Variants in UGT2A3 observed in about 807,000 individuals in gnomAD.
UGT2A3 encodes the protein UDP-glucuronosyltransferase 2A3.
UGT2A3 carries 55 observed loss-of-function variants against 44.1 expected under a neutral mutation model. That is an observed-to-expected ratio of 1.25 (90% CI 1.00 to 1.56). The LOEUF (loss-of-function observed/expected upper bound fraction) is 1.56, where lower values mean the gene tolerates loss of function less well. UGT2A3 is among the 40% of genes most tolerant of loss of function. The probability of loss-of-function intolerance (pLI) is 0.00; values close to 1 mark genes in which losing one functional copy is unlikely to be tolerated. For synonymous variants in UGT2A3, 243 were observed against 215.1 expected, an observed-to-expected ratio of 1.13 and a Z score of -1.13; for missense variants, 733 against 621.6, an observed-to-expected ratio of 1.18 and a Z score of -1.91.
intron 2 of UGT2A3, among the ~76,000 whole-genome samples, chr4:68,939,934 G>T (rs572891790): frequency 6.6e-5 from 10 of 152,094 alleles, no homozygotes; most frequent in Non-Finnish European, 1.0e-4. Flanking sequence ...GCAGCCAAAA[G>T]ACACATGAAA....
chr4:68,930,231 T>G, intron 5 of UGT2A3, 139 bp from the exon 6 acceptor site: 1 of 1,034,384 alleles, frequency 9.7e-7, no homozygotes, highest in Non-Finnish European at 1.4e-6. Context: ...GACATGAATA[T>G]TGTTGGTTAC....
chr4:68,934,186 A>C (rs183962834), intron 2 of UGT2A3, among the ~76,000 whole-genome samples: 1 of 151,970 alleles, frequency 6.6e-6, no homozygotes, highest in Non-Finnish European at 1.5e-5. Context: ...AATCACATAA[A>C]CTATAAATAA....
intron 2 of UGT2A3, among the ~76,000 whole-genome samples, chr4:68,945,043 T>C (rs1228558628): frequency 6.6e-6 from 1 of 151,750 alleles, no homozygotes; most frequent in Non-Finnish European, 1.5e-5. Flanking sequence ...CAATTCCCTA[T>C]TAATTCAATT....
At chr4:68,934,497 G>C (rs568821857) in intron 2 of UGT2A3, among the ~76,000 whole-genome samples, 1 of 151,742 alleles carries the variant, frequency 6.6e-6, no homozygotes, top group Non-Finnish European at 1.5e-5. Context: ...AGATAAAATC[G>C]ACAAAGCTTT....
rs1718579413 is a variant in UGT2A3 at position 68,951,299 on chromosome 4, A to G, written c.462T>C (p.Cys154=). 21 of 1,612,286 alleles carry G rather than the reference A, an allele frequency of 1.3e-5. No homozygotes were observed. Among genetic ancestry groups the G allele is most frequent in the Non-Finnish European group, 1.8e-5 (21 of 1,179,170 alleles). The change falls in exon 1 of 6, where the codon TGT becomes TGC. Residue 154 remains cysteine, a synonymous_variant. Coordinates refer to ENST00000251566, the MANE Select transcript of UGT2A3 (RefSeq NM_024743.4). ...DVMLIDPVIP[C]GDLMAELLAV... is the part of the protein sequence containing the mutation. ...CAAGCAACTCAGCCATCAGGTCTCC[A>G]CAGGGAATCACAGGGTCTATAAGCA...
chr4:68,943,289 A>G, intron 2 of UGT2A3: 1 of 1,261,606 alleles, frequency 7.9e-7, no homozygotes, highest in Non-Finnish European at 1.0e-6. Context: ...TACCTAGAGA[A>G]TGATGGAAAT....
At chr4:68,950,743 T>A (rs1718552997) in intron 1 of UGT2A3, among the ~76,000 whole-genome samples, 1 of 151,856 alleles carries the variant, frequency 6.6e-6, no homozygotes, top group South Asian at 2.1e-4. Context: ...TCAATAGAAA[T>A]TCTATAAAAT....
Position 68,951,052 on chromosome 4 carries a change from C to T in UGT2A3, c.709G>A (p.Ala237Thr). ...YHFWEEFYSK[A>T]LGRPTTLCET... Reference sequence around the variant, plus strand: ...TAAAACAAAAGTGTCTTACCTAATGCCTTACTATAAAACTCTTCCCAAAAA... The same window carrying T: ...TAAAACAAAAGTGTCTTACCTAATGTCTTACTATAAAACTCTTCCCAAAAA... Residue 237 changes from alanine to threonine, a missense_variant, in exon 1 of 6, where the codon GCA becomes ACA. By Grantham distance (58) the Ala-to-Thr change is moderately conservative. Coordinates refer to ENST00000251566, the MANE Select transcript of UGT2A3 (RefSeq NM_024743.4). The T allele has an allele frequency of 1.1e-5, 17 of 1,559,412 alleles. No homozygotes were observed. Among genetic ancestry groups the T allele is most frequent in the Non-Finnish European group, 1.5e-5 (17 of 1,157,010 alleles).
At chr4:68,936,342 C>A (rs1308480277) in intron 2 of UGT2A3, among the ~76,000 whole-genome samples, 3 of 152,012 alleles carry the variant, frequency 2.0e-5, no homozygotes, top group African/African-American at 7.2e-5. Context: ...AAAGGAAAGC[C>A]CATCAGACAA....
rs751628944 is a variant in UGT2A3, at chr4:68,951,088, A to T, written c.673T>A (p.Tyr225Asn). The stretch of plus-strand genomic sequence containing the variant: ...AACTCTTCCCAAAAATGATAGTCGT[A>T]ATCCTGAATCCAGAAGTGGAACAAA... ...SVLFHFWIQDYDYHFWEEFYS... is the reference protein window; with the variant it reads ...SVLFHFWIQDNDYHFWEEFYS... The change falls in exon 1 of 6, where the codon TAC (tyrosine) becomes AAC (asparagine). Residue 225 changes from tyrosine (Y) to asparagine (N), a missense_variant. Physicochemically the swap from Tyr to Asn is moderately radical, Grantham distance 143. Transcript: ENST00000251566. 8 of 1,606,676 alleles carry T rather than the reference A, an allele frequency of 5.0e-6. No homozygotes were observed. The highest frequency in any genetic ancestry group is 6.8e-6 in the Non-Finnish European group (8 of 1,177,202).
At chr4:68,949,407 T>TA (rs1188395526) in intron 1 of UGT2A3, among the ~76,000 whole-genome samples, 4 of 151,830 alleles carry the variant, frequency 2.6e-5, no homozygotes, top group Non-Finnish European at 2.9e-5. Flanking sequence ...ATGCACAACA[T>TA]TTATAATTAA....
chr4:68,945,638 A>T (rs1718358890), intron 1 of UGT2A3, among the ~76,000 whole-genome samples, 184 bp from the exon 2 acceptor site: 1 of 151,094 alleles, frequency 6.6e-6, no homozygotes, highest in Admixed American at 6.6e-5. Context: ...AGAAAGGAAA[A>T]AAGAAGGAAG....
intron 2 of UGT2A3, among the ~76,000 whole-genome samples, chr4:68,935,285 T>TGC (rs1272944361): frequency 2.7e-5 from 2 of 75,158 alleles, no homozygotes; most frequent in East Asian, 6.7e-4. Flanking sequence ...TGTATATATA[T>TGC]ATATATATAT....
intron 2 of UGT2A3, among the ~76,000 whole-genome samples, chr4:68,934,072 C>T (rs902764501): frequency 1.3e-5 from 2 of 151,782 alleles, no homozygotes; most frequent in Admixed American, 1.3e-4. Context: ...GGAAGTATGA[C>T]ATCTCTAAAA....
chr4:68,940,976 G>A (rs533739855), intron 2 of UGT2A3, among the ~76,000 whole-genome samples: 4 of 151,586 alleles, frequency 2.6e-5, no homozygotes, highest in African/African-American at 4.8e-5. Flanking sequence ...AATATTGGGG[G>A]TAGAATCTAA....
At chr4:68,938,058 G>A (rs1476751363) in intron 2 of UGT2A3, among the ~76,000 whole-genome samples, 1 of 150,368 alleles carries the variant, frequency 6.7e-6, no homozygotes, top group Non-Finnish European at 1.5e-5. Flanking sequence ...AGAAATTGAG[G>A]CAATAATATC....
rs34118122 is a variant in UGT2A3 at position 68,942,504 on chromosome 4, GATATATATAT to G, written c.864+2792_864+2801del. Among the ~76,000 whole-genome samples the G allele has an allele frequency of 1.1e-4, 14 of 131,024 alleles. No individual in the cohort carries two copies. In the South Asian group the frequency reaches 1.2e-3, roughly 11 times the overall value. The allele number at this position is 131,024 out of a possible 152,430, so 86.0% of individuals were successfully genotyped here. A position where few individuals can be genotyped will look rare whatever the true frequency, so the allele number is the denominator to read the frequency against. On this transcript the variant is annotated intron_variant, in intron 2 of 5. Transcript: ENST00000251566. ...TATAGCTCAATAGCATTCCACTGGAGATATATATATATATATATATATATATATATATATA... is the reference window on the plus strand; with the variant it reads ...TATAGCTCAATAGCATTCCACTGGAGATATATATATATATATATATATATA...
At position 68,929,768 on chromosome 4, in the gene UGT2A3, A is replaced by G. The variant is rs1717650331; in HGVS notation, c.*45T>C. ...TTTCACCAAATTCTATGTGGCTGGA[A>G]TTAACAGGATTACCCCATCAGGTCT... On this transcript the variant is annotated 3_prime_UTR_variant, in exon 6 of 6. Transcript: ENST00000251566. 3 of 1,469,290 alleles carry G rather than the reference A, an allele frequency of 2.0e-6. No individual in the cohort carries two copies. The highest frequency in any genetic ancestry group is 2.2e-5 in the Admixed American group (1 of 46,000). 91.0% of individuals were successfully genotyped at this position (1,469,290 alleles called of 1,614,324 possible). A position where few individuals can be genotyped will look rare whatever the true frequency, so the allele number is the denominator to read the frequency against.
In UGT2A3 at chr4:68,929,282, A is replaced by T. The variant is rs1717629346; in HGVS notation, c.*531T>A. ...AATACAGCAAACTTTTCTAAGCATA[A>T]TGCCATGTCATCATTATTAGCAATT... On this transcript the variant is annotated 3_prime_UTR_variant, in exon 6 of 6. Coordinates refer to ENST00000251566, the MANE Select transcript of UGT2A3 (RefSeq NM_024743.4). 6.6e-6 allele frequency: 1 copy of T among 152,238 alleles called. No individual in the cohort carries two copies. Among genetic ancestry groups the T allele is most frequent in the African/African-American group, 2.4e-5 (1 of 41,464 alleles). The allele number at this position is 152,238 out of a possible 1,614,324, so 9.4% of individuals were successfully genotyped here.
Sources: allele counts gnomAD v4.1 joint callset (sites outside exome capture counted in the v4.1 genomes callset), GRCh38; gene constraint gnomAD v4.1.1; transcripts MANE v1.5; gene names NCBI Gene and HGNC (gene_info 2026-07-23, HGNC 2026-07-21).